SYNCRIP: variants seen among roughly 807,000 people sequenced by gnomAD.
SYNCRIP encodes synaptotagmin binding cytoplasmic RNA interacting protein.
In SYNCRIP, 9 loss-of-function variants were observed where a neutral mutation model predicts 68.9. That is an observed-to-expected ratio of 0.13 (90% CI 0.08 to 0.23). The LOEUF (loss-of-function observed/expected upper bound fraction) is 0.23. SYNCRIP is among the 10% of genes least tolerant of loss of function. SYNCRIP has a pLI of 1.00. For missense variants in SYNCRIP, 414 were observed against 770.6 expected (o/e 0.54, Z 5.48); for synonymous variants, 258 against 254.0 (o/e 1.02, Z -0.15).
downstream of SYNCRIP, chr6:85,611,501 T>C (rs1805240558): frequency 6.6e-6 from 1 of 152,482 alleles, no homozygotes; most frequent in African/African-American, 2.4e-5. Flanking sequence ...GTATGTGATA[T>C]AACTGCAGTA....
At chr6:85,613,649 T>G (rs1805450352), downstream of SYNCRIP, among the ~76,000 whole-genome samples, 1 of 152,244 alleles carries the variant, frequency 6.6e-6, no homozygotes, top group Admixed American at 6.5e-5. Context: ...GATATATATT[T>G]GCTTACCCAA....
chr6:85,623,327 G>C (rs1422561743), intron 7 of SYNCRIP, among the ~76,000 whole-genome samples: 1 of 151,904 alleles, frequency 6.6e-6, no homozygotes, highest in Non-Finnish European at 1.5e-5. Flanking sequence ...ACTCTGGGAG[G>C]CCGAGGCAAG....
rs767889103 is a variant in SYNCRIP at position 85,618,880 on chromosome 6, G to C, written c.1218C>G (p.Ala406=). The C allele has an allele frequency of 5.6e-6, 9 of 1,612,800 alleles. No individual in the cohort carries two copies. Among genetic ancestry groups the C allele is most frequent in the Non-Finnish European group, 7.6e-6 (9 of 1,179,470 alleles). The change falls in exon 10 of 11, where the codon GCC becomes GCG. Residue 406 remains alanine, a synonymous_variant. Coordinates refer to ENST00000369622, the MANE Select transcript of SYNCRIP (RefSeq NM_006372.5). ...LEGENIEIVF[A]KPPDQKRKER... ...CTTTCCTTTTCTGATCTGGTGGCTT[G>C]GCAAAAACAATTTCAATATTTTCTC...
At chr6:85,608,973 T>C (rs899976148) in exon 12 of SYNCRIP, 1 of 152,002 alleles carries the variant, frequency 6.6e-6, no homozygotes, top group Admixed American at 6.6e-5. Flanking sequence ...TTAAGAAAAG[T>C]AGTGGCATGC....
chr6:85,619,274 A>T lies in SYNCRIP; in HGVS notation c.1152T>A (p.Ala384=), dbSNP rs750710282. The change falls in exon 9 of 11, where the codon GCT becomes GCA. Residue 384 remains alanine (A), a synonymous_variant. Coordinates refer to ENST00000369622, the MANE Select transcript of SYNCRIP (RefSeq NM_006372.5). ...AFIHFDERDG[A]VKAMEEMNGK... ...GTAATTCCACCATATTTACCTTGAC[A>T]GCACCATCTCGCTCATCAAAATGAA... 4 of 1,613,732 alleles carry T rather than the reference A, an allele frequency of 2.5e-6. No homozygotes were observed. Among genetic ancestry groups the T allele is most frequent in the East Asian group, 2.2e-5 (1 of 44,862 alleles).
At chr6:85,613,139 A>C (rs556114741), downstream of SYNCRIP, among the ~76,000 whole-genome samples, 4 of 151,720 alleles carry the variant, frequency 2.6e-5, no homozygotes, top group South Asian at 8.3e-4. Flanking sequence ...TTGAGTGAGG[A>C]GGCTGGACTG....
At chr6:85,622,950 G>A (rs1057143793) in intron 7 of SYNCRIP, among the ~76,000 whole-genome samples, 1 of 152,170 alleles carries the variant, frequency 6.6e-6, no homozygotes. Context: ...TCACTAATTA[G>A]ATCAGAGAGG....
At chr6:85,616,570 C>T (rs1805801204) in intron 10 of SYNCRIP, among the ~76,000 whole-genome samples, 1 of 149,534 alleles carries the variant, frequency 6.7e-6, no homozygotes, top group Non-Finnish European at 1.5e-5. Flanking sequence ...ATGATCCACC[C>T]ACCTCGGCCT....
chr6:85,615,919 A>G (rs1370280767), intron 10 of SYNCRIP, among the ~76,000 whole-genome samples: 1 of 152,256 alleles, frequency 6.6e-6, no homozygotes, highest in Non-Finnish European at 1.5e-5. Flanking sequence ...GCACACAACC[A>G]AAATGTGTGA....
At chr6:85,640,372 G>T in intron 3 of SYNCRIP, 44 bp from the exon 4 acceptor site, 3 of 1,590,978 alleles carry the variant, frequency 1.9e-6, no homozygotes, top group Non-Finnish European at 2.6e-6. Flanking sequence ...AACCATATCT[G>T]AGTCTAATAA....
chr6:85,619,879 T>C (rs1806192488), intron 8 of SYNCRIP, among the ~76,000 whole-genome samples: 1 of 152,164 alleles, frequency 6.6e-6, no homozygotes, highest in Non-Finnish European at 1.5e-5. Flanking sequence ...TCCTGCTCCT[T>C]ATTTACCCAG....
chr6:85,621,984 T>A (rs1280623272), intron 8 of SYNCRIP, among the ~76,000 whole-genome samples: 1 of 152,188 alleles, frequency 6.6e-6, no homozygotes, highest in East Asian at 1.9e-4. Flanking sequence ...CAATTTCTAT[T>A]TTCACTTTGC....
At chr6:85,635,712 G>A (rs1808355104) in intron 6 of SYNCRIP, among the ~76,000 whole-genome samples, 1 of 142,974 alleles carries the variant, frequency 7.0e-6, no homozygotes, top group East Asian at 2.3e-4. Context: ...GGAGGTTGCA[G>A]TGAGCCAAGA....
chr6:85,641,374 G>A lies in SYNCRIP; in HGVS notation c.66C>T (p.Ile22=), dbSNP rs369890028. The A allele has an allele frequency of 6.2e-7, 1 of 1,613,006 alleles. No homozygotes were observed. The highest frequency in any genetic ancestry group is 1.1e-5 in the South Asian group (1 of 91,044). ...EEPMDTTSAV[I]HSENFQTLLD... ...GCAATGTCTGAAAATTTTCTGAATG[G>A]ATAACTGCAGAAGTAGTATCCATGG... Residue 22 remains isoleucine, a synonymous_variant, in exon 2 of 11, where the codon ATC becomes ATT. Transcript: ENST00000369622.
rs1805569586 is a variant in SYNCRIP at position 85,614,757 on chromosome 6, T to C, written c.1871A>G (p.Ter624TrpextTer3). ...YQDTFGQQWK[*>W] Reference sequence around the variant, plus strand: ...AATTTTACAGAGGCCCTACTGTTTCTACTTCCACTGTTGCCCAAAAGTATC... The same window carrying C: ...AATTTTACAGAGGCCCTACTGTTTCCACTTCCACTGTTGCCCAAAAGTATC... The change falls in exon 11 of 11, where the codon TAG becomes TGG. Residue 624 changes from the stop codon to tryptophan, a stop_lost. Transcript: ENST00000369622. 2 of 1,585,564 alleles carry C rather than the reference T, an allele frequency of 1.3e-6. No homozygotes were observed. The highest frequency in any genetic ancestry group is 4.5e-5 in the East Asian group (2 of 44,768).
chr6:85,628,294 G>A (rs563955068), intron 6 of SYNCRIP, among the ~76,000 whole-genome samples: 2 of 152,292 alleles, frequency 1.3e-5, no homozygotes, highest in Non-Finnish European at 1.5e-5. Context: ...GGCCTCGGGT[G>A]ATCCGCCCGC....
At chr6:85,631,610 A>G (rs1807803778) in intron 6 of SYNCRIP, among the ~76,000 whole-genome samples, 1 of 152,228 alleles carries the variant, frequency 6.6e-6, no homozygotes, top group South Asian at 2.1e-4. Flanking sequence ...CGAAGAAGAT[A>G]AAAAGTGTTA....
intron 6 of SYNCRIP, among the ~76,000 whole-genome samples, chr6:85,630,784 G>A (rs1463813795): frequency 1.3e-5 from 2 of 152,028 alleles, no homozygotes; most frequent in African/African-American, 4.8e-5. Context: ...TACATAATGG[G>A]GCACAGTTCT....
At chr6:85,617,205 A>G (rs1199841707) in intron 10 of SYNCRIP, among the ~76,000 whole-genome samples, 1 of 152,060 alleles carries the variant, frequency 6.6e-6, no homozygotes, top group Non-Finnish European at 1.5e-5. Context: ...CTTAAAAAAA[A>G]AAAAAAAAAG....
Sources: allele counts gnomAD v4.1 joint callset (sites outside exome capture counted in the v4.1 genomes callset), GRCh38; gene constraint gnomAD v4.1.1; transcripts MANE v1.5; gene names NCBI Gene and HGNC (gene_info 2026-07-23, HGNC 2026-07-21).